The following TMPRSS3 variants were observed in gnomAD, a reference collection of about 807,000 sequenced individuals.
The protein encoded by TMPRSS3 is transmembrane serine protease 3.
TMPRSS3 carries 55 observed loss-of-function variants against 59.6 expected under a neutral mutation model. The observed-to-expected ratio is 0.92, with a 90% CI of 0.74 to 1.16. The LOEUF is 1.16. Ranked by LOEUF, TMPRSS3 falls within the 50% of genes most tolerant of loss-of-function variation. The pLI, the probability that TMPRSS3 is intolerant of heterozygous loss-of-function variation, is 0.00. For synonymous variants in TMPRSS3, 257 were observed against 237.7 expected (o/e 1.08, Z -0.75); for missense variants, 596 against 579.4 (o/e 1.03, Z -0.29).
intron 5 of TMPRSS3, among the ~76,000 whole-genome samples, chr21:42,385,774 G>T (rs368874282): frequency 2.6e-5 from 4 of 152,260 alleles, no homozygotes; most frequent in East Asian, 1.9e-4. Context: ...TGACAGCCCC[G>T]TCCACCCACC....
chr21:42,377,153 T>G (rs1480054010), intron 10 of TMPRSS3, among the ~76,000 whole-genome samples: 1 of 152,228 alleles, frequency 6.6e-6, no homozygotes, highest in African/African-American at 2.4e-5. Context: ...CCAGAACCTG[T>G]GACTGTGTCA....
intron 2 of TMPRSS3, among the ~76,000 whole-genome samples, 186 bp downstream of exon 2, chr21:42,395,138 G>A (rs1299684728): frequency 2.0e-5 from 3 of 152,274 alleles, no homozygotes; most frequent in Non-Finnish European, 2.9e-5. Flanking sequence ...AGGGCTTAAC[G>A]AAACGATCCC....
In TMPRSS3 at chr21:42,375,706, C is replaced by T; in HGVS notation, c.1344+10G>A. The T allele has an allele frequency of 6.2e-7, 1 of 1,613,688 alleles. No individual in the cohort carries two copies. The highest frequency in any genetic ancestry group is 8.5e-7 in the Non-Finnish European group (1 of 1,180,004). Reference sequence around the variant, plus strand: ...GGGACAACGTGAGCTGGGGAGGGCGCCGCACCCACCTCCATCTGCTCGTGG... The same window carrying T: ...GGGACAACGTGAGCTGGGGAGGGCGTCGCACCCACCTCCATCTGCTCGTGG... On this transcript the variant is annotated intron_variant, in intron 12 of 12. Transcript: ENST00000644384.
At chr21:42,385,024 C>A (rs1302239701) in intron 6 of TMPRSS3, among the ~76,000 whole-genome samples, 3 of 149,166 alleles carry the variant, frequency 2.0e-5, no homozygotes, top group Non-Finnish European at 3.0e-5. Context: ...TTCCTTTTAC[C>A]CTCCCTCTCT....
intron 2 of TMPRSS3, chr21:42,390,293 A>G: frequency 2.1e-6 from 1 of 479,310 alleles, no homozygotes. Flanking sequence ...ATCCCCCAGA[A>G]AGACACGTTG....
intron 11 of TMPRSS3, 46 bp downstream of exon 11, chr21:42,376,495 G>T: frequency 1.2e-6 from 2 of 1,610,208 alleles, no homozygotes; most frequent in Non-Finnish European, 8.5e-7. Context: ...TGTCCCAAGG[G>T]CTGGGTCACC....
rs750642034 is a variant in TMPRSS3, at chr21:42,376,652, G to A, written c.1080C>T (p.Ala360=). The change falls in exon 11 of 13, where the codon GCC becomes GCT. Residue 360 remains alanine, a synonymous_variant. Coordinates refer to ENST00000644384, the MANE Select transcript of TMPRSS3 (RefSeq NM_001256317.3). ...GDASPVLNHA[A]VPLISNKICN... is the part of the protein sequence containing the mutation. ...AGATCTTGTTGGAAATCAAAGGGAC[G>A]GCCGCGTGGTTCAGGACAGGGGAGG... 27 of 1,613,986 alleles carry A rather than the reference G, an allele frequency of 1.7e-5. No individual in the cohort carries two copies. The highest frequency in any genetic ancestry group is 1.1e-4 in the East Asian group (5 of 44,894).
rs62212895 is a variant in TMPRSS3 at position 42,388,634 on chromosome 21, C to T, written c.323-108G>A. The T allele has an allele frequency of 6.5e-7, 1 of 1,533,478 alleles. No individual in the cohort carries two copies. The highest frequency in any genetic ancestry group is 1.1e-5 in the South Asian group (1 of 89,016). The allele number at this position is 1,533,478 out of a possible 1,614,324, so 95.0% of individuals were successfully genotyped here. ...CAAACCCCTCCTCTGCCAAATCTGA[C>T]CCACTTCTTGTCCACGGCAGCCTCC... On this transcript the variant is annotated intron_variant, in intron 4 of 12. Transcript: ENST00000644384. The surrounding 1 kb of genome is among the most constrained non-coding windows in gnomAD (Gnocchi z 5.1).
intron 10 of TMPRSS3, among the ~76,000 whole-genome samples, chr21:42,378,676 C>T (rs1381001883): frequency 6.6e-6 from 1 of 152,164 alleles, no homozygotes; most frequent in African/African-American, 2.4e-5. Context: ...ACCCTACAGA[C>T]ACCTCAACTG....
At chr21:42,395,191 A>C (rs1259988978) in intron 2 of TMPRSS3, 133 bp downstream of exon 2, 1 of 764,482 alleles carries the variant, frequency 1.3e-6, no homozygotes, top group African/African-American at 1.7e-5. Context: ...AGATCTAGGG[A>C]AGTGCAGGTG....
intron 10 of TMPRSS3, among the ~76,000 whole-genome samples, chr21:42,379,071 G>T (rs1413294179): frequency 6.6e-6 from 1 of 152,008 alleles, no homozygotes; most frequent in Non-Finnish European, 1.5e-5. Context: ...TTTTAGTAGA[G>T]ACAGGGTCTC....
intron 6 of TMPRSS3, 73 bp from the exon 7 acceptor site, chr21:42,384,086 T>C (rs1414112970): frequency 1.4e-6 from 2 of 1,446,042 alleles, no homozygotes; most frequent in Non-Finnish European, 1.9e-6. Context: ...AAAAACTCAA[T>C]CTTAGGGTAA....
rs190574965 is a variant in TMPRSS3, at chr21:42,385,672, C to T, written c.447-138G>A. The stretch of plus-strand genomic sequence containing the variant: ...TCCCCCCAAACCCATCAAAGGCTTC[C>T]TTTGCCAAGAGAATGAAGTTCACTC... On this transcript the variant is annotated intron_variant, in intron 5 of 12. Coordinates refer to ENST00000644384, the MANE Select transcript of TMPRSS3 (RefSeq NM_001256317.3). The T allele has an allele frequency of 4.8e-4, 556 of 1,151,982 alleles. 10 individuals carry two copies. In the South Asian group the frequency reaches 6.1e-3, roughly 13 times the overall value. 71.4% of individuals were successfully genotyped at this position (1,151,982 alleles called of 1,614,324 possible). A position where few individuals can be genotyped will look rare whatever the true frequency, so the allele number is the denominator to read the frequency against.
chr21:42,388,456 A>C lies in TMPRSS3; in HGVS notation c.393T>G (p.Asp131Glu). ...CATTTGCGTAGTGACCCTTCCAGTC[A>C]TCGGAGCACATGGTCTTCCACGAAG... Reference protein sequence around the residue: ...TAASWKTMCSDDWKGHYANVA... With the variant: ...TAASWKTMCSEDWKGHYANVA... Residue 131 changes from aspartate (D) to glutamate (E), a missense_variant, in exon 5 of 13, where the codon GAT becomes GAG. By Grantham distance (45) the Asp-to-Glu change is conservative. Transcript: ENST00000644384. This position sits in a 1 kb window ranked among gnomAD's most constrained non-coding sequence, Gnocchi z 5.1. 6.2e-7 allele frequency: 1 copy of C among 1,614,236 alleles called. No homozygotes were observed. Among genetic ancestry groups the C allele is most frequent in the Non-Finnish European group, 8.5e-7 (1 of 1,180,040 alleles).
intron 2 of TMPRSS3, among the ~76,000 whole-genome samples, chr21:42,391,548 A>G (rs1285905501): frequency 6.6e-6 from 1 of 152,234 alleles, no homozygotes; most frequent in Non-Finnish European, 1.5e-5. Context: ...CAAAGTTTGC[A>G]CAGGTCTGCT....
At chr21:42,392,107 G>A (rs1403767672) in intron 2 of TMPRSS3, among the ~76,000 whole-genome samples, 2 of 152,218 alleles carry the variant, frequency 1.3e-5, no homozygotes, top group Non-Finnish European at 1.5e-5. Flanking sequence ...TGCCCAGGAT[G>A]AGACTGGCAC....
Position 42,389,976 on chromosome 21 carries a change from G to T in TMPRSS3, c.156C>A (p.Ile52=). 9 of 1,614,080 alleles carry T rather than the reference G, an allele frequency of 5.6e-6. No homozygotes were observed. The highest frequency in any genetic ancestry group is 7.6e-6 in the Non-Finnish European group (9 of 1,179,946). ...SLLPLKFFPI[I]VIGIIALILA... ...ATATCAATGCAATGATCCCAATGAC[G>T]ATGATTGGAAAAAACTTCAATGGCA... Residue 52 remains isoleucine, a synonymous_variant, in exon 3 of 13, where the codon ATC becomes ATA. Transcript: ENST00000644384.
Position 42,389,044 on chromosome 21 carries a change from G to A in TMPRSS3, c.207C>T (p.Ile69=). ...TGTACTTCCCTGAGCAGTCGAAGTGGACTGGGAAAAGGGAGGAAGGCAGGA... is the reference window on the plus strand; with the variant it reads ...TGTACTTCCCTGAGCAGTCGAAGTGAACTGGGAAAAGGGAGGAAGGCAGGA... ...LILALAIGLG[I]HFDCSGKYRC... Residue 69 remains isoleucine, a splice_region_variant and synonymous_variant, in exon 4 of 13, where the codon ATC becomes ATT. Coordinates refer to ENST00000644384, the MANE Select transcript of TMPRSS3 (RefSeq NM_001256317.3). The A allele has an allele frequency of 6.2e-7, 1 of 1,613,926 alleles. No individual in the cohort carries two copies. The highest frequency in any genetic ancestry group is 8.5e-7 in the Non-Finnish European group (1 of 1,179,872).
chr21:42,385,369 T>G, intron 6 of TMPRSS3, 40 bp downstream of exon 6: 2 of 1,612,900 alleles, frequency 1.2e-6, no homozygotes, highest in Non-Finnish European at 1.7e-6. Flanking sequence ...AGCAGGTGAC[T>G]CGATACCTGT....
Sources: allele counts gnomAD v4.1 joint callset (sites outside exome capture counted in the v4.1 genomes callset), GRCh38; gene constraint gnomAD v4.1.1; non-coding constraint Gnocchi (gnomAD v3.1); transcripts MANE v1.5; gene names NCBI Gene and HGNC (gene_info 2026-07-23, HGNC 2026-07-21).